The following GPC6 variants were observed in gnomAD, a reference collection of about 807,000 sequenced individuals.
GPC6 encodes the protein glypican 6, also known as glypican-6.
GPC6 carries 14 observed loss-of-function variants against 55.2 expected under a neutral mutation model. That is an observed-to-expected ratio of 0.25 (90% confidence interval 0.17 to 0.40). GPC6 has a LOEUF of 0.40. Among genes scored for constraint, GPC6 ranks in the 10% least tolerant of loss-of-function variants. The probability of loss-of-function intolerance (pLI) is 1.00; values close to 1 mark genes in which losing one functional copy is unlikely to be tolerated. For missense variants in GPC6, 641 were observed against 708.5 expected, an observed-to-expected ratio of 0.90 and a Z score of 1.08; for synonymous variants, 278 against 259.6, an observed-to-expected ratio of 1.07 and a Z score of -0.68.
chr13:93,478,850 T>C (rs964081855), intron 1 of GPC6, among the ~76,000 whole-genome samples: 3 of 152,186 alleles, frequency 2.0e-5, no homozygotes, highest in East Asian at 1.9e-4. Flanking sequence ...GGACAAATAA[T>C]ACTGTCAGAA....
chr13:93,802,682 G>A (rs1385961121), intron 2 of GPC6, among the ~76,000 whole-genome samples: 1 of 152,122 alleles, frequency 6.6e-6, no homozygotes, highest in African/African-American at 2.4e-5. Flanking sequence ...ACAGTTGTGA[G>A]CCACCATGCT....
At chr13:93,784,047 C>T (rs894562845) in intron 2 of GPC6, among the ~76,000 whole-genome samples, 14 of 152,138 alleles carry the variant, frequency 9.2e-5, no homozygotes, top group Non-Finnish European at 2.1e-4. Context: ...GAAGAAGGAG[C>T]ATATCTATTC....
At chr13:94,327,813 T>A (rs1320522408) in intron 6 of GPC6, among the ~76,000 whole-genome samples, 1 of 152,186 alleles carries the variant, frequency 6.6e-6, no homozygotes, top group African/African-American at 2.4e-5. Context: ...TGCAAAGAGT[T>A]TCACCTAGTT....
At chr13:93,801,384 T>C (rs1396592456) in intron 2 of GPC6, among the ~76,000 whole-genome samples, 1 of 152,220 alleles carries the variant, frequency 6.6e-6, no homozygotes, top group African/African-American at 2.4e-5. Flanking sequence ...ATCTGCTTTC[T>C]GACAGTGGTG....
chr13:94,354,248 A>G (rs1354462231), intron 6 of GPC6, among the ~76,000 whole-genome samples: 2 of 152,150 alleles, frequency 1.3e-5, no homozygotes, highest in African/African-American at 4.8e-5. Flanking sequence ...ATTTTTTCTG[A>G]AAATTATGGG....
At position 93,461,445 on chromosome 13, in the gene GPC6, G is replaced by A. The variant is rs1878683840; in HGVS notation, c.161-83818G>A. Among the ~76,000 whole-genome samples, 3 of 151,988 alleles carry A rather than the reference G, an allele frequency of 2.0e-5. No individual in the cohort carries two copies. In the South Asian group the frequency reaches 6.2e-4, roughly 31 times the overall value. Reference sequence around the variant, plus strand: ...CAAGTAAAGTATTATTCTTTTAAAAGCTTAAATAATTTAGTTAAATAACTT... The same window carrying A: ...CAAGTAAAGTATTATTCTTTTAAAAACTTAAATAATTTAGTTAAATAACTT... On this transcript the variant is annotated intron_variant, in intron 1 of 8. Coordinates refer to ENST00000377047, the MANE Select transcript of GPC6 (RefSeq NM_005708.5).
intron 2 of GPC6, among the ~76,000 whole-genome samples, chr13:93,547,189 AAAAAAAAT>A (rs1364942553): frequency 1.4e-5 from 2 of 145,046 alleles, no homozygotes; most frequent in Non-Finnish European, 1.5e-5. Context: ...AAAAAAAAAA[AAAAAAAAT>A]TAGCTGGGCG....
chr13:93,701,376 A>G (rs147415747), intron 2 of GPC6, among the ~76,000 whole-genome samples: 1 of 152,016 alleles, frequency 6.6e-6, no homozygotes, highest in Non-Finnish European at 1.5e-5. Flanking sequence ...AAAAAAGTAC[A>G]TACATTAATA....
intron 4 of GPC6, among the ~76,000 whole-genome samples, chr13:94,143,589 A>T (rs1040897459): frequency 3.9e-5 from 6 of 152,064 alleles, no homozygotes; most frequent in African/African-American, 1.2e-4. Context: ...AGCCTGAAAG[A>T]GAGTATAAAG....
intron 1 of GPC6, among the ~76,000 whole-genome samples, chr13:93,288,365 AGAG>A (rs966711933): frequency 3.3e-4 from 50 of 152,310 alleles, no homozygotes; most frequent in African/African-American, 1.1e-3. Context: ...ACATCTGTCC[AGAG>A]GAGTAGTGAA....
chr13:93,976,756 G>A (rs929241466), intron 3 of GPC6, among the ~76,000 whole-genome samples: 1 of 151,830 alleles, frequency 6.6e-6, no homozygotes, highest in African/African-American at 2.4e-5. Context: ...CTCTTAGGCA[G>A]CTTGTGGCAC....
At chr13:94,007,075 T>G (rs1594661131) in intron 3 of GPC6, among the ~76,000 whole-genome samples, 2 of 152,342 alleles carry the variant, frequency 1.3e-5, no homozygotes, top group African/African-American at 4.8e-5. Flanking sequence ...CCTCAAATAT[T>G]AATTTAAAAG....
At chr13:93,513,692 C>T (rs982974790) in intron 1 of GPC6, among the ~76,000 whole-genome samples, 3 of 152,120 alleles carry the variant, frequency 2.0e-5, no homozygotes, top group Admixed American at 6.5e-5. Context: ...AGCTATTGCA[C>T]GATTGCACGA....
chr13:94,350,091 GTTTA>G (rs2139167126), intron 6 of GPC6, among the ~76,000 whole-genome samples: 1 of 151,764 alleles, frequency 6.6e-6, no homozygotes. Context: ...GTGTGTGTGT[GTTTA>G]TGTGTGCAGT....
At chr13:93,224,563 A>G (rs999571347), upstream of GPC6, among the ~76,000 whole-genome samples, 8 of 152,174 alleles carry the variant, frequency 5.3e-5, no homozygotes, top group Non-Finnish European at 1.2e-4. Context: ...TGAATACTAC[A>G]GCTAGGATTC....
intron 3 of GPC6, among the ~76,000 whole-genome samples, chr13:94,008,611 C>G (rs1882116102): frequency 6.6e-6 from 1 of 152,158 alleles, no homozygotes; most frequent in African/African-American, 2.4e-5. Flanking sequence ...GAGATCATGC[C>G]ACTGTACTCC....
intron 1 of GPC6, among the ~76,000 whole-genome samples, chr13:93,403,365 C>T (rs1204717918): frequency 6.6e-6 from 1 of 152,236 alleles, no homozygotes; most frequent in South Asian, 2.1e-4. Context: ...AGTTCAAGAG[C>T]GGTTTTGTGA....
At chr13:93,421,139 C>T (rs770052375) in intron 1 of GPC6, among the ~76,000 whole-genome samples, 5 of 152,028 alleles carry the variant, frequency 3.3e-5, no homozygotes, top group African/African-American at 4.8e-5. Context: ...CAGCTGCAGC[C>T]TCATTAGCTG....
rs577242098 is a variant in GPC6 at position 93,717,574 on chromosome 13, G to T, written c.320-112580G>T. Among the ~76,000 whole-genome samples the T allele has an allele frequency of 2.0e-5, 3 of 151,600 alleles. No homozygotes were observed. In the Admixed American group the frequency reaches 2.0e-4, roughly 10 times the overall value. ...GGCATCTCTTTTATAACATGATGCT[G>T]ATTTCACTCAGTTTATGGAAAACAA... On this transcript the variant is annotated intron_variant, in intron 2 of 8. Coordinates refer to ENST00000377047, the MANE Select transcript of GPC6 (RefSeq NM_005708.5).
Sources: gnomAD v4.1 joint callset for allele counts (sites outside exome capture counted in the v4.1 genomes callset) on GRCh38, gnomAD v4.1.1 for gene constraint, MANE v1.5 for transcripts, NCBI Gene and HGNC (gene_info 2026-07-23, HGNC 2026-07-21) for gene names.